The following RBFOX1 variants were observed in gnomAD, a reference collection of about 807,000 sequenced individuals.
RBFOX1 encodes the protein RNA binding protein fox-1 homolog 1.
RBFOX1 carries 8 observed loss-of-function variants against 57.7 expected under a neutral mutation model. The observed-to-expected ratio is 0.14, with a 90% CI of 0.08 to 0.25. The LOEUF is 0.25. Ranked by LOEUF, RBFOX1 falls within the 10% of genes least tolerant of loss-of-function variation. RBFOX1 has a pLI of 1.00. For synonymous variants in RBFOX1, 326 were observed against 222.4 expected, an observed-to-expected ratio of 1.47 and a Z score of -4.15; for missense variants, 611 against 548.5, an observed-to-expected ratio of 1.11 and a Z score of -1.14.
At chr16:6,721,710 T>G (rs1442675655) in intron 3 of RBFOX1, 2 of 152,188 alleles carry the variant, frequency 1.3e-5, no homozygotes, top group Non-Finnish European at 2.9e-5. Context: ...GTGACTGTCT[T>G]ATTTAATTCA....
intron 4 of RBFOX1, among the ~76,000 whole-genome samples, chr16:5,966,889 T>C (rs541298443): frequency 1.3e-5 from 2 of 149,748 alleles, no homozygotes; most frequent in South Asian, 4.3e-4. Flanking sequence ...TCCTGTCCTC[T>C]TCCCAAACAG....
chr16:6,044,240 A>G lies in RBFOX1; in HGVS notation c.-127+24248A>G, dbSNP rs532189141. On this transcript the variant is annotated intron_variant, in intron 1 of 15. Transcript: ENST00000550418. Reference sequence around the variant, plus strand: ...AAAGCGTGGGACTTAACCCCTTGCCAGAGATGTTGATGTGAACCCCGAATC... The same window carrying G: ...AAAGCGTGGGACTTAACCCCTTGCCGGAGATGTTGATGTGAACCCCGAATC... Among the ~76,000 whole-genome samples the G allele has an allele frequency of 8.5e-5, 13 of 152,288 alleles. No homozygotes were observed. The South Asian group carries it at 2.1e-3, about 24-fold the overall frequency.
chr16:6,742,667 C>G lies in RBFOX1; in HGVS notation c.-16+88017C>G, dbSNP rs555831101. On this transcript the variant is annotated intron_variant, in intron 3 of 15. Transcript: ENST00000550418. ...TATTCAGCAATAAAAACTGAATGAA[C>G]TATCGATATACACAACACCTGTGAT... Among the ~76,000 whole-genome samples, 20 of 152,264 alleles carry G rather than the reference C, an allele frequency of 1.3e-4. No individual in the cohort carries two copies. The South Asian group carries it at 3.3e-3, about 25-fold the overall frequency.
At chr16:7,530,745 T>G (rs1478449882) in intron 5 of RBFOX1, among the ~76,000 whole-genome samples, 2 of 152,332 alleles carry the variant, frequency 1.3e-5, no homozygotes, top group East Asian at 3.9e-4. Flanking sequence ...TCCAAGTGAC[T>G]GTACAATCTC....
chr16:5,991,771 C>T (rs1264643861), intron 4 of RBFOX1, among the ~76,000 whole-genome samples: 2 of 150,422 alleles, frequency 1.3e-5, no homozygotes, highest in Admixed American at 6.7e-5. Context: ...TGCCAATAAT[C>T]AACAATGTTG....
intron 2 of RBFOX1, among the ~76,000 whole-genome samples, chr16:5,548,897 G>A (rs1320813142): frequency 4.6e-5 from 7 of 152,114 alleles, no homozygotes; most frequent in Non-Finnish European, 1.0e-4. Flanking sequence ...GGGCACAGGG[G>A]CACTTCCGCA....
intron 3 of RBFOX1, among the ~76,000 whole-genome samples, chr16:5,758,942 G>A (rs906702166): frequency 2.6e-5 from 4 of 152,198 alleles, no homozygotes; most frequent in Admixed American, 2.6e-4. Context: ...GAAATAGTTA[G>A]TGGGTTGTGA....
chr16:7,426,871 C>T (rs2098621613), intron 4 of RBFOX1, among the ~76,000 whole-genome samples: 1 of 152,164 alleles, frequency 6.6e-6, no homozygotes, highest in African/African-American at 2.4e-5. Context: ...ATCAGCATTC[C>T]TGCACGGCTT....
At chr16:5,866,119 C>A (rs933031168) in intron 3 of RBFOX1, among the ~76,000 whole-genome samples, 18 of 152,270 alleles carry the variant, frequency 1.2e-4, no homozygotes, top group African/African-American at 4.1e-4. Context: ...AGGTGCACAC[C>A]ACCATGCCCA....
intron 3 of RBFOX1, among the ~76,000 whole-genome samples, chr16:6,975,985 G>C (rs965849616): frequency 6.6e-6 from 1 of 152,070 alleles, no homozygotes; most frequent in Non-Finnish European, 1.5e-5. Flanking sequence ...AAATTAGCCA[G>C]GCATGGTGGT....
At chr16:7,416,045 G>T (rs74012566) in intron 4 of RBFOX1, among the ~76,000 whole-genome samples, 1 of 151,914 alleles carries the variant, frequency 6.6e-6, no homozygotes, top group Non-Finnish European at 1.5e-5. Flanking sequence ...GAGTACTCAG[G>T]CCTCTTTTTC....
chr16:7,048,228 G>A (rs567586945), intron 3 of RBFOX1, among the ~76,000 whole-genome samples: 1 of 150,988 alleles, frequency 6.6e-6, no homozygotes, highest in South Asian at 2.1e-4. Context: ...TTTTATGGTT[G>A]TAAAATTTCC....
chr16:6,240,705 G>C (rs962637825), intron 1 of RBFOX1, among the ~76,000 whole-genome samples: 27 of 151,698 alleles, frequency 1.8e-4, no homozygotes, highest in African/African-American at 6.3e-4. Flanking sequence ...TGCCATTGCT[G>C]TAGGGAAGGG....
chr16:6,549,655 C>G (rs1003762618), intron 2 of RBFOX1, among the ~76,000 whole-genome samples: 4 of 151,942 alleles, frequency 2.6e-5, no homozygotes, highest in Admixed American at 2.0e-4. Flanking sequence ...AGTCATGTGC[C>G]TACTTCTGAG....
At chr16:7,142,523 C>G (rs1249177731) in intron 4 of RBFOX1, among the ~76,000 whole-genome samples, 2 of 152,160 alleles carry the variant, frequency 1.3e-5, no homozygotes, top group Admixed American at 6.5e-5. Context: ...GGGCTCTTCC[C>G]TATACTGTTC....
chr16:6,889,513 G>A (rs945623337), intron 3 of RBFOX1, among the ~76,000 whole-genome samples: 1 of 152,136 alleles, frequency 6.6e-6, no homozygotes, highest in East Asian at 1.9e-4. Flanking sequence ...CTGTGTGTTG[G>A]GTTCTTCGTG....
At chr16:5,452,923 C>T (rs774392361) in intron 1 of RBFOX1, among the ~76,000 whole-genome samples, 7 of 152,136 alleles carry the variant, frequency 4.6e-5, no homozygotes, top group Non-Finnish European at 8.8e-5. Flanking sequence ...TGAACCACCA[C>T]GCTCTGCGAA....
chr16:6,260,464 A>G (rs969905889), intron 1 of RBFOX1, among the ~76,000 whole-genome samples: 1 of 152,234 alleles, frequency 6.6e-6, no homozygotes, highest in Non-Finnish European at 1.5e-5. Flanking sequence ...GGAGTGGGCT[A>G]GACTGGGATG....
At chr16:7,217,009 T>TCCCTCCCTTCC (rs2092166155) in intron 4 of RBFOX1, among the ~76,000 whole-genome samples, 2 of 16,836 alleles carry the variant, frequency 1.2e-4, no homozygotes, top group Non-Finnish European at 2.2e-4. Flanking sequence ...CCTCCCTCCC[T>TCCCTCCCTTCC]TCCCTCCCTC....
Sources: gnomAD v4.1 joint callset for allele counts (sites outside exome capture counted in the v4.1 genomes callset) on GRCh38, gnomAD v4.1.1 for gene constraint, MANE v1.5 for transcripts, NCBI Gene and HGNC (gene_info 2026-07-23, HGNC 2026-07-21) for gene names.